The following KRT38 variants were observed in gnomAD, a reference collection of about 807,000 sequenced individuals.
KRT38 encodes the protein keratin, type I cuticular Ha8.
A neutral mutation model predicts 43.1 loss-of-function variants in KRT38; 45 were observed. The observed-to-expected ratio is 1.04, with a 90% CI of 0.82 to 1.34. The LOEUF (loss-of-function observed/expected upper bound fraction) is 1.34. KRT38 is among the 40% of genes most tolerant of loss of function. KRT38 has a pLI of 0.00. For synonymous variants in KRT38, 258 were observed against 244.0 expected (o/e 1.06, Z -0.53); for missense variants, 627 against 586.2 (o/e 1.07, Z -0.72).
intron 1 of KRT38, 26 bp downstream of exon 1, chr17:41,440,404 C>A (rs2018781476): frequency 6.2e-7 from 1 of 1,607,634 alleles, no homozygotes; most frequent in Admixed American, 1.7e-5. Flanking sequence ...TCAGACCCAG[C>A]ACACCCAAGC....
Position 41,438,625 on chromosome 17 carries a change from C to T in KRT38, c.895-9G>A. On this transcript the variant is annotated splice_polypyrimidine_tract_variant and intron_variant, in intron 4 of 6. Transcript: ENST00000246646. Reference sequence around the variant, plus strand: ...AGGCTGATGCCTTCAGACTGGAGCACAGAGAGACACGGTCACCTCCCTGCC... The same window carrying T: ...AGGCTGATGCCTTCAGACTGGAGCATAGAGAGACACGGTCACCTCCCTGCC... The T allele has an allele frequency of 1.9e-6, 3 of 1,614,064 alleles. No homozygotes were observed. The highest frequency in any genetic ancestry group is 2.5e-6 in the Non-Finnish European group (3 of 1,179,984).
At chr17:41,437,632 A>G (rs1000143898) in intron 6 of KRT38, 91 bp from the exon 7 acceptor site, 204 of 1,348,190 alleles carry the variant, frequency 1.5e-4, no homozygotes, top group Non-Finnish European at 1.9e-4. Flanking sequence ...TCCCCACTGC[A>G]AAACAACAGA....
chr17:41,440,840 T>C lies in KRT38; in HGVS notation c.82A>G (p.Ile28Val), dbSNP rs1024462478. 3.0e-5 allele frequency: 48 copies of C among 1,599,416 alleles called. No homozygotes were observed. The highest frequency in any genetic ancestry group is 4.0e-5 in the Non-Finnish European group (47 of 1,173,044). Residue 28 changes from isoleucine (I) to valine (V), a missense_variant, in exon 1 of 7, where the codon ATC becomes GTC. Coordinates refer to ENST00000246646, the MANE Select transcript of KRT38 (RefSeq NM_006771.4). ...GCCCCAGGCTGGCACCCAATGTCGA[T>C]GGGAGAGACAGAGACATTTCTTGCT... is the stretch of plus-strand genomic sequence containing the variant. ...PGARNVSVSP[I>V]DIGCQPGAEA...
Position 41,438,694 on chromosome 17 carries a change from C to A in KRT38, c.894+3G>T, listed in dbSNP as rs2018760044. 1 of 1,613,362 alleles carries A rather than the reference C, an allele frequency of 6.2e-7. No individual in the cohort carries two copies. The highest frequency in any genetic ancestry group is 8.5e-7 in the Non-Finnish European group (1 of 1,179,668). ...CCCCTGGTTCTATACCCCCCCCACT[C>A]ACCTGGGCTTGGAACCACTGTTCCA... On this transcript the variant is annotated splice_donor_region_variant and intron_variant, in intron 4 of 6. Transcript: ENST00000246646.
In KRT38 at chr17:41,437,144, G is replaced by C. The variant is rs144186784; in HGVS notation, c.*268C>G. ...TCATGCCGTGTTCCTACTCCAAAAT[G>C]CTTTTCAACCTTATGCCTCTCCAAT... On this transcript the variant is annotated 3_prime_UTR_variant, in exon 7 of 7. Transcript: ENST00000246646. 2.8e-6 allele frequency: 1 copy of C among 356,992 alleles called. No homozygotes were observed. Among genetic ancestry groups the C allele is most frequent in the Non-Finnish European group, 5.0e-6 (1 of 200,180 alleles). 22.1% of individuals were successfully genotyped at this position (356,992 alleles called of 1,614,324 possible). A position where few individuals can be genotyped will look rare whatever the true frequency, so the allele number is the denominator to read the frequency against.
At chr17:41,438,034 G>A (rs762408014) in intron 6 of KRT38, 59 bp downstream of exon 6, 1 of 1,545,386 alleles carries the variant, frequency 6.5e-7, no homozygotes, top group Non-Finnish European at 8.9e-7. Flanking sequence ...CTGCTGCCCT[G>A]AGGACCTCAT....
chr17:41,437,431 G>A lies in KRT38; in HGVS notation c.1352C>T (p.Thr451Ile), dbSNP rs530701592. ...AGGAATTCAGAATCGGCTTCCGGTG[G>A]TGCTGGCTCCACAGGTGGGCCCACA... ...TTCGPTCGAS[T>I]TGSRF The change falls in exon 7 of 7, where the codon ACC becomes ATC. Residue 451 changes from threonine (T) to isoleucine (I), a missense_variant. Physicochemically the swap from Thr to Ile is moderately conservative, Grantham distance 89. Coordinates refer to ENST00000246646, the MANE Select transcript of KRT38 (RefSeq NM_006771.4). 5 of 1,568,786 alleles carry A rather than the reference G, an allele frequency of 3.2e-6. No homozygotes were observed. The South Asian group carries it at 4.7e-5, about 15-fold the overall frequency.
At position 41,438,739 on chromosome 17, in the gene KRT38, C is replaced by T. The variant is rs1387490502; in HGVS notation, c.852G>A (p.Leu284=). The change falls in exon 4 of 7, where the codon TTG becomes TTA. Residue 284 remains leucine (L), a synonymous_variant. Transcript: ENST00000246646. ...GTTCCACATCCTGGCGGTTGGTCTC[C>T]AACATGGCCTCATACTGAGCCCGCA... ...GEMRAQYEAM[L]ETNRQDVEQW... is the part of the protein sequence containing the mutation. 1 of 1,613,994 alleles carries T rather than the reference C, an allele frequency of 6.2e-7. No individual in the cohort carries two copies. The highest frequency in any genetic ancestry group is 8.5e-7 in the Non-Finnish European group (1 of 1,180,020).
Position 41,439,193 on chromosome 17 carries a change from A to T in KRT38, c.732+10T>A. 6.2e-7 allele frequency: 1 copy of T among 1,612,692 alleles called. No individual in the cohort carries two copies. Among genetic ancestry groups the T allele is most frequent in the East Asian group, 2.2e-5 (1 of 44,872 alleles). ...GCCCTCCCCAGGAGTTTGAGCGCCC[A>T]GGGCCACACCTGCTCGTGGTTGCTC... On this transcript the variant is annotated intron_variant, in intron 3 of 6. Transcript: ENST00000246646.
intron 4 of KRT38, 34 bp from the exon 5 acceptor site, chr17:41,438,650 C>A: frequency 1.2e-6 from 2 of 1,611,502 alleles, no homozygotes; most frequent in South Asian, 1.1e-5. Context: ...ACCTCCCTGC[C>A]CAGATGGAGG....
Position 41,440,143 on chromosome 17 carries a change from C to T in KRT38, c.575+18G>A, listed in dbSNP as rs768847039. 1.7e-5 allele frequency: 27 copies of T among 1,609,646 alleles called. No individual in the cohort carries two copies. The East Asian group carries it at 5.8e-4, about 35-fold the overall frequency. On this transcript the variant is annotated intron_variant, in intron 2 of 6. Coordinates refer to ENST00000246646, the MANE Select transcript of KRT38 (RefSeq NM_006771.4). Reference sequence around the variant, plus strand: ...GGGTGGGGAAGGAGTCACCCTGGCCCTCCTCCGCCTGACTTACTTGATCCT... The same window carrying T: ...GGGTGGGGAAGGAGTCACCCTGGCCTTCCTCCGCCTGACTTACTTGATCCT...
In KRT38 at chr17:41,436,834, G is replaced by A. The variant is rs1272059623; in HGVS notation, c.*578C>T. Reference sequence around the variant, plus strand: ...CTTTGTCAAAGCTAGAAACCCTGAAGTAGAGAAAACTCAGGATTTGATACA... The same window carrying A: ...CTTTGTCAAAGCTAGAAACCCTGAAATAGAGAAAACTCAGGATTTGATACA... On this transcript the variant is annotated 3_prime_UTR_variant, in exon 7 of 7. Coordinates refer to ENST00000246646, the MANE Select transcript of KRT38 (RefSeq NM_006771.4). 1 of 152,230 alleles carries A rather than the reference G, an allele frequency of 6.6e-6. No homozygotes were observed. The highest frequency in any genetic ancestry group is 1.5e-5 in the Non-Finnish European group (1 of 68,050). The allele number at this position is 152,230 out of a possible 1,614,324, so 9.4% of individuals were successfully genotyped here. A position where few individuals can be genotyped will look rare whatever the true frequency, so the allele number is the denominator to read the frequency against.
intron 6 of KRT38, 121 bp from the exon 7 acceptor site, chr17:41,437,662 C>T (rs2018741639): frequency 1.9e-6 from 2 of 1,046,944 alleles, no homozygotes; most frequent in Admixed American, 3.4e-5. Flanking sequence ...CAGCTGGACC[C>T]TGTGACCATT....
chr17:41,438,723 C>T lies in KRT38; in HGVS notation c.868G>A (p.Asp290Asn). The change falls in exon 4 of 7, where the codon GAT becomes AAT. Residue 290 changes from aspartate (D) to asparagine (N), a missense_variant. Asp to Asn is a conservative substitution (Grantham distance 23). Transcript: ENST00000246646. ...TGGGCTTGGAACCACTGTTCCACAT[C>T]CTGGCGGTTGGTCTCCAACATGGCC... ...YEAMLETNRQ[D>N]VEQWFQAQSE... 1.9e-6 allele frequency: 3 copies of T among 1,614,082 alleles called. No individual in the cohort carries two copies. Among genetic ancestry groups the T allele is most frequent in the Non-Finnish European group, 2.5e-6 (3 of 1,180,006 alleles).
Position 41,437,510 on chromosome 17 carries a change from A to AG in KRT38, c.1272dup (p.Ser425LeufsTer43). The AG allele has an allele frequency of 1.3e-6, 2 of 1,564,636 alleles. No homozygotes were observed. Among genetic ancestry groups the AG allele is most frequent in the South Asian group, 2.4e-5 (2 of 84,226 alleles). On this transcript the variant is annotated frameshift_variant, in exon 7 of 7. Transcript: ENST00000246646. LOFTEE classifies it low-confidence loss of function (END_TRUNC). ...GGAGCACAGGGGGCAGTCACGCAGG[A>AG]GGGAGACGTGGAGCACGGATTGCAG...
intron 6 of KRT38, 79 bp from the exon 7 acceptor site, chr17:41,437,620 A>G (rs897415): frequency 1 from 1,445,081 of 1,446,804 alleles, 721,698 homozygotes; most frequent in East Asian, 1. Flanking sequence ...ATGAGGAAGG[A>G]GTCCCCACTG....
chr17:41,440,923 G>T lies in KRT38; in HGVS notation c.-2C>A. 6.6e-7 allele frequency: 1 copy of T among 1,526,626 alleles called. No individual in the cohort carries two copies. The highest frequency in any genetic ancestry group is 1.3e-5 in the South Asian group (1 of 75,970). The allele number at this position is 1,526,626 out of a possible 1,614,324, so 94.6% of individuals were successfully genotyped here. On this transcript the variant is annotated 5_prime_UTR_variant, in exon 1 of 7. Coordinates refer to ENST00000246646, the MANE Select transcript of KRT38 (RefSeq NM_006771.4). ...GGAGCTGCTGTAGGAAGAGGTCATG[G>T]TGTTGGGCTGAGGCTGCACAGGAGC...
rs147599749 is a variant in KRT38, at chr17:41,440,190, G to A, written c.546C>T (p.Ala182=). Residue 182 remains alanine (A), a synonymous_variant, in exon 2 of 7, where the codon GCC becomes GCT. Coordinates refer to ENST00000246646, the MANE Select transcript of KRT38 (RefSeq NM_006771.4). ...TCCTAAAGTCATCGGCAGCCAGCTT[G>A]GCATTGTCAATTTGTACAATCAGCC... ...NARLIVQIDN[A]KLAADDFRIK... 4.3e-6 allele frequency: 7 copies of A among 1,614,184 alleles called. No individual in the cohort carries two copies. The highest frequency in any genetic ancestry group is 5.1e-6 in the Non-Finnish European group (6 of 1,180,030).
chr17:41,437,627 A>G (rs2018741308), intron 6 of KRT38, 86 bp from the exon 7 acceptor site: 1 of 1,387,654 alleles, frequency 7.2e-7, no homozygotes, highest in African/African-American at 1.5e-5. Context: ...AGGAGTCCCC[A>G]CTGCAAAACA....
Sources: gnomAD v4.1 joint callset for allele counts on GRCh38, gnomAD v4.1.1 for gene constraint, MANE v1.5 for transcripts, NCBI Gene and HGNC (gene_info 2026-07-23, HGNC 2026-07-21) for gene names.